The following ABCA9 variants were observed in gnomAD, a reference collection of about 807,000 sequenced individuals.
ABCA9 encodes the protein ATP-binding cassette sub-family A member 9.
Under a neutral mutation model 205.3 loss-of-function variants are expected in ABCA9, and 183 were observed. The observed-to-expected ratio is 0.89, with a 90% CI of 0.79 to 1.01. The LOEUF (loss-of-function observed/expected upper bound fraction) is 1.01. Ranked by LOEUF, ABCA9 falls within the 50% of genes least tolerant of loss-of-function variation. ABCA9 has a pLI of 0.00. For synonymous variants in ABCA9, 651 were observed against 683.3 expected (o/e 0.95, Z 0.74); for missense variants, 1,805 against 1,912.4 (o/e 0.94, Z 1.05).
chr17:68,988,475 T>A (rs1472596034), intron 31 of ABCA9, among the ~76,000 whole-genome samples: 2 of 152,224 alleles, frequency 1.3e-5, no homozygotes, highest in African/African-American at 4.8e-5. Flanking sequence ...ATCACTACAT[T>A]ACATCATCAG....
At chr17:69,029,364 G>A (rs1023604761) in intron 10 of ABCA9, 137 bp from the exon 11 acceptor site, 2 of 543,218 alleles carry the variant, frequency 3.7e-6, no homozygotes, top group Non-Finnish European at 6.4e-6. Flanking sequence ...GAAAATCTGG[G>A]GATTATTTTC....
intron 2 of ABCA9, among the ~76,000 whole-genome samples, chr17:69,050,075 A>C (rs530391790): frequency 6.6e-6 from 1 of 152,214 alleles, no homozygotes; most frequent in Non-Finnish European, 1.5e-5. Flanking sequence ...AGTCCTTTTT[A>C]AAAGAGTTAT....
chr17:69,050,438 A>G (rs1264395521), intron 2 of ABCA9, among the ~76,000 whole-genome samples: 1 of 152,026 alleles, frequency 6.6e-6, no homozygotes, highest in Non-Finnish European at 1.5e-5. Context: ...TGATTTTATT[A>G]TATTTTTCTG....
chr17:69,046,909 ATAT>A (rs1399506240), intron 3 of ABCA9, among the ~76,000 whole-genome samples: 8 of 131,238 alleles, frequency 6.1e-5, no homozygotes, highest in Admixed American at 3.3e-4. Flanking sequence ...ATATATATAT[ATAT>A]AAAATTTTAT....
Position 69,021,871 on chromosome 17 carries a change from G to A in ABCA9, c.2282-10C>T, listed in dbSNP as rs1446823719. 2 of 1,420,288 alleles carry A rather than the reference G, an allele frequency of 1.4e-6. No individual in the cohort carries two copies. The highest frequency in any genetic ancestry group is 9.5e-7 in the Non-Finnish European group (1 of 1,050,018). The allele number at this position is 1,420,288 out of a possible 1,614,324, so 88.0% of individuals were successfully genotyped here. A position where few individuals can be genotyped will look rare whatever the true frequency, so the allele number is the denominator to read the frequency against. On this transcript the variant is annotated splice_polypyrimidine_tract_variant and intron_variant, in intron 17 of 38. Coordinates refer to ENST00000340001, the MANE Select transcript of ABCA9 (RefSeq NM_080283.4). ...AGATCCCTGTAAAGTTCTAAAAGTG[G>A]ATACAAAAACAGATTATAAGAATAT... is the stretch of plus-strand genomic sequence containing the variant.
chr17:68,997,781 G>C (rs1442584335), intron 25 of ABCA9, among the ~76,000 whole-genome samples: 2 of 152,042 alleles, frequency 1.3e-5, no homozygotes, highest in East Asian at 3.8e-4. Flanking sequence ...TAGAATTGAT[G>C]AGCCTTATTG....
chr17:69,000,445 G>A lies in ABCA9; in HGVS notation c.3436-4431C>T, dbSNP rs902410194. The stretch of plus-strand genomic sequence containing the variant: ...AAAGATCAGATAGTTATAGATAAGC[G>A]GCGTTATTTCTGAGGGCTCTGTTCT... On this transcript the variant is annotated intron_variant, in intron 25 of 38. Coordinates refer to ENST00000340001, the MANE Select transcript of ABCA9 (RefSeq NM_080283.4). 7.9e-5 allele frequency among the ~76,000 whole-genome samples: 12 copies of A among 152,104 alleles called. 1 individual carries two copies. Among genetic ancestry groups the A allele is most frequent in the East Asian group, 5.8e-4 (3 of 5,186 alleles).
intron 8 of ABCA9, among the ~76,000 whole-genome samples, chr17:69,034,128 A>C (rs1270347642): frequency 6.6e-6 from 1 of 152,194 alleles, no homozygotes; most frequent in Admixed American, 6.5e-5. Context: ...TTCTAGGAGG[A>C]AGTACAAACT....
At chr17:69,000,338 T>C (rs2069807985) in intron 25 of ABCA9, among the ~76,000 whole-genome samples, 1 of 150,106 alleles carries the variant, frequency 6.7e-6, no homozygotes, top group Non-Finnish European at 1.5e-5. Flanking sequence ...TTCAGCTTTC[T>C]ACATATGGCT....
Position 68,982,655 on chromosome 17 carries a change from A to G in ABCA9, c.4641-14T>C. 1 of 1,609,694 alleles carries G rather than the reference A, an allele frequency of 6.2e-7. No individual in the cohort carries two copies. Among genetic ancestry groups the G allele is most frequent in the Non-Finnish European group, 8.5e-7 (1 of 1,176,072 alleles). On this transcript the variant is annotated splice_polypyrimidine_tract_variant and intron_variant, in intron 36 of 38. Transcript: ENST00000340001. ...AGGGAGGAGAACCTGCGAAGAGAAGACAGTGAGGCTGAACTCCAGGTGTCA... is the reference window on the plus strand; with the variant it reads ...AGGGAGGAGAACCTGCGAAGAGAAGGCAGTGAGGCTGAACTCCAGGTGTCA...
intron 37 of ABCA9, among the ~76,000 whole-genome samples, chr17:68,979,544 C>G (rs534961745): frequency 6.6e-6 from 1 of 152,178 alleles, no homozygotes; most frequent in East Asian, 1.9e-4. Context: ...TACCACAAGG[C>G]TACAGTAACC....
At chr17:69,071,375 A>T in the ABCA9 span, among the ~76,000 whole-genome samples, 1 of 152,168 alleles carries the variant, frequency 6.6e-6, no homozygotes, top group Non-Finnish European at 1.5e-5. Flanking sequence ...CCCCTCTGGG[A>T]TGAAGCTTCC....
intron 18 of ABCA9, chr17:69,020,882 A>G: frequency 3.7e-6 from 1 of 271,546 alleles, no homozygotes; most frequent in Non-Finnish European, 6.9e-6. Context: ...TAAGAAATCT[A>G]TTTGTTGTAA....
At chr17:68,994,049 T>C (rs1168405147) in intron 26 of ABCA9, among the ~76,000 whole-genome samples, 1 of 152,206 alleles carries the variant, frequency 6.6e-6, no homozygotes, top group African/African-American at 2.4e-5. Context: ...CTAATTTTTG[T>C]ATTTTTAGTA....
chr17:69,003,937 C>G (rs1032627337), intron 25 of ABCA9, among the ~76,000 whole-genome samples: 1 of 152,164 alleles, frequency 6.6e-6, no homozygotes, highest in African/African-American at 2.4e-5. Flanking sequence ...GCATTCTTCA[C>G]GTAGTTCTCG....
At position 68,986,059 on chromosome 17, in the gene ABCA9, C is replaced by G. The variant is rs1305893040; in HGVS notation, c.4208+105G>C. 4.3e-6 allele frequency: 5 copies of G among 1,163,098 alleles called. No homozygotes were observed. In the South Asian group the frequency reaches 1.2e-4, roughly 27 times the overall value. 72.0% of individuals were successfully genotyped at this position (1,163,098 alleles called of 1,614,324 possible). A position where few individuals can be genotyped will look rare whatever the true frequency, so the allele number is the denominator to read the frequency against. On this transcript the variant is annotated intron_variant, in intron 32 of 38. Transcript: ENST00000340001. Reference sequence around the variant, plus strand: ...TTCTAGATGACCAAATCTTCTCCCACAAGCATGGGGTCATCAATTACAACC... The same window carrying G: ...TTCTAGATGACCAAATCTTCTCCCAGAAGCATGGGGTCATCAATTACAACC...
the ABCA9 span, among the ~76,000 whole-genome samples, chr17:69,067,377 C>CT: frequency 5.9e-5 from 9 of 151,584 alleles, no homozygotes; most frequent in Admixed American, 2.0e-4. Flanking sequence ...GAAACCCTGT[C>CT]TCTACAAAAA....
chr17:69,003,209 G>GT lies in ABCA9; in HGVS notation c.3435+4549dup, dbSNP rs1161512244. On this transcript the variant is annotated intron_variant, in intron 25 of 38. Transcript: ENST00000340001. Reference sequence around the variant, plus strand: ...CGTTAGTTGATGCAGTTTCTTCCTAGTCTCGATGGTCTTTACATTTTGGCA... The same window carrying GT: ...CGTTAGTTGATGCAGTTTCTTCCTAGTTCTCGATGGTCTTTACATTTTGGCA... Among the ~76,000 whole-genome samples, 54 of 152,082 alleles carry GT rather than the reference G, an allele frequency of 3.6e-4. 1 individual carries two copies. The highest frequency in any genetic ancestry group is 2.9e-3 in the Admixed American group (44 of 15,256).
intron 25 of ABCA9, among the ~76,000 whole-genome samples, chr17:68,997,999 G>A (rs67672707): frequency 0.097 from 14,717 of 152,074 alleles, 1,568 homozygotes; most frequent in African/African-American, 0.26. Context: ...CCATAGTTTC[G>A]CCTTTTCCAG....
Sources: allele counts gnomAD v4.1 joint callset (sites outside exome capture counted in the v4.1 genomes callset), GRCh38; gene constraint gnomAD v4.1.1; transcripts MANE v1.5; gene names NCBI Gene and HGNC (gene_info 2026-07-23, HGNC 2026-07-21).